DMGDH: variants seen among roughly 807,000 people sequenced by gnomAD.
DMGDH encodes dimethylglycine dehydrogenase, mitochondrial.
A neutral mutation model predicts 95.2 loss-of-function variants in DMGDH; 76 were observed. The ratio of observed to expected loss-of-function variants is 0.80; its 90% confidence interval spans 0.66 to 0.97. The LOEUF is 0.97. Among genes scored for constraint, DMGDH ranks in the 50% least tolerant of loss-of-function variants. DMGDH has a pLI of 0.00. For synonymous variants in DMGDH, 345 were observed against 377.6 expected, an observed-to-expected ratio of 0.91 and a Z score of 1.00; for missense variants, 987 against 1,055.0, an observed-to-expected ratio of 0.94 and a Z score of 0.89.
chr5:79,013,241 A>C (rs1461229050), intron 14 of DMGDH, among the ~76,000 whole-genome samples: 1 of 152,190 alleles, frequency 6.6e-6, no homozygotes, highest in Admixed American at 6.5e-5. Flanking sequence ...CTCAGTTTCT[A>C]AGATCCATAG....
chr5:79,053,426 C>T (rs1754924299), intron 4 of DMGDH, among the ~76,000 whole-genome samples: 1 of 152,192 alleles, frequency 6.6e-6, no homozygotes, highest in African/African-American at 2.4e-5. Flanking sequence ...TTGGCCTTAC[C>T]ACATGCTGGG....
chr5:79,007,104 C>T (rs944307771), intron 14 of DMGDH, among the ~76,000 whole-genome samples: 1 of 152,050 alleles, frequency 6.6e-6, no homozygotes, highest in African/African-American at 2.4e-5. Flanking sequence ...GATTGGAACC[C>T]GTGTTATTTA....
At chr5:79,026,663 G>C (rs563332278) in intron 12 of DMGDH, 82 bp from the exon 13 acceptor site, 1 of 1,579,370 alleles carries the variant, frequency 6.3e-7, no homozygotes, top group South Asian at 1.1e-5. Context: ...ACACATATAA[G>C]CAGGAGAAAT....
chr5:79,054,256 C>A lies in DMGDH; in HGVS notation c.468G>T (p.Trp156Cys), dbSNP rs377602796. Reference sequence around the variant, plus strand: ...CAATGAGATACTGTTCTGTTGCATGCCAGCCAGTCCGAGTCATTTGATATT... The same window carrying A: ...CAATGAGATACTGTTCTGTTGCATGACAGCCAGTCCGAGTCATTTGATATT... The part of the protein sequence containing the change: ...EFKYQMTRTG[W>C]HATEQYLIEP... Residue 156 changes from tryptophan to cysteine, a missense_variant, in exon 4 of 16, where the codon TGG becomes TGT. Coordinates refer to ENST00000255189, the MANE Select transcript of DMGDH (RefSeq NM_013391.3). 11 of 1,613,964 alleles carry A rather than the reference C, an allele frequency of 6.8e-6. No individual in the cohort carries two copies. In the African/African-American group the frequency reaches 1.5e-4, roughly 22 times the overall value.
chr5:79,046,684 C>T (rs1172735927), intron 5 of DMGDH, among the ~76,000 whole-genome samples: 2 of 152,092 alleles, frequency 1.3e-5, no homozygotes, highest in African/African-American at 4.8e-5. Flanking sequence ...AATTTTGAGA[C>T]TTAATTTACT....
At position 79,029,978 on chromosome 5, in the gene DMGDH, C is replaced by T. The variant is rs756908579; in HGVS notation, c.1740G>A (p.Glu580=). Reference sequence around the variant, plus strand: ...CAGGAGATTGGTGAGAAACAGTCAGCTCAGCATACACTCGACCCTTGGGTG... The same window carrying T: ...CAGGAGATTGGTGAGAAACAGTCAGTTCAGCATACACTCGACCCTTGGGTG... The part of the protein sequence containing the change: ...MLTPKGRVYA[E]LTVSHQSPGE... The change falls in exon 11 of 16, where the codon GAG becomes GAA. Residue 580 remains glutamate (E), a synonymous_variant. Transcript: ENST00000255189. 5.6e-6 allele frequency: 9 copies of T among 1,614,064 alleles called. 1 individual carries two copies. The East Asian group carries it at 1.8e-4, about 32-fold the overall frequency.
rs763638011 is a variant in DMGDH at position 79,026,423 on chromosome 5, C to G, written c.2190+1G>C. 4 of 1,614,018 alleles carry G rather than the reference C, an allele frequency of 2.5e-6. No homozygotes were observed. The highest frequency in any genetic ancestry group is 3.4e-6 in the Non-Finnish European group (4 of 1,180,016). On this transcript the variant is annotated splice_donor_variant, in intron 13 of 15. Coordinates refer to ENST00000255189, the MANE Select transcript of DMGDH (RefSeq NM_013391.3). LOFTEE classifies it high-confidence loss of function. ...TTAATAAAGATGCTAGCATTTCAAA[C>G]CTCTAACCCCCAGGCTCTGAAGGCT...
At chr5:79,045,998 A>G (rs1050249991) in intron 5 of DMGDH, among the ~76,000 whole-genome samples, 1 of 152,236 alleles carries the variant, frequency 6.6e-6, no homozygotes, top group Non-Finnish European at 1.5e-5. Flanking sequence ...ATGAATCCAG[A>G]AACGGGTACC....
At chr5:79,046,520 T>C (rs1027543559) in intron 5 of DMGDH, among the ~76,000 whole-genome samples, 2 of 152,194 alleles carry the variant, frequency 1.3e-5, no homozygotes, top group African/African-American at 4.8e-5. Context: ...CCTGAGTAGA[T>C]GGGACTATAG....
intron 13 of DMGDH, among the ~76,000 whole-genome samples, chr5:79,025,013 CT>C (rs1233954025): frequency 6.6e-6 from 1 of 152,242 alleles, no homozygotes; most frequent in Non-Finnish European, 1.5e-5. Context: ...TGAAAGTACG[CT>C]TGTTTTATAT....
intron 14 of DMGDH, among the ~76,000 whole-genome samples, chr5:79,019,658 G>A (rs973894976): frequency 6.6e-6 from 1 of 152,132 alleles, no homozygotes; most frequent in Admixed American, 6.5e-5. Flanking sequence ...GCTGAGGCAG[G>A]TGGATCACCT....
intron 2 of DMGDH, among the ~76,000 whole-genome samples, chr5:79,059,442 C>CT: frequency 6.6e-6 from 1 of 152,344 alleles, no homozygotes; most frequent in East Asian, 1.9e-4. Flanking sequence ...GAAGGTTTCT[C>CT]TTCACATTTG....
intron 15 of DMGDH, 99 bp from the exon 16 acceptor site, chr5:78,998,396 A>T: frequency 1.6e-6 from 2 of 1,230,562 alleles, no homozygotes; most frequent in Non-Finnish European, 2.3e-6. Context: ...CAACTTACAA[A>T]ATGGAAGTTT....
intron 14 of DMGDH, among the ~76,000 whole-genome samples, chr5:79,014,209 AG>A (rs1403439512): frequency 6.6e-6 from 1 of 152,252 alleles, no homozygotes; most frequent in Non-Finnish European, 1.5e-5. Flanking sequence ...GCAAGTAATC[AG>A]GCTAATTAGC....
intron 15 of DMGDH, among the ~76,000 whole-genome samples, chr5:79,001,314 C>A (rs1454904294): frequency 6.6e-6 from 1 of 152,138 alleles, no homozygotes; most frequent in Non-Finnish European, 1.5e-5. Context: ...AGGTGTACAC[C>A]ACCATGCCTG....
chr5:79,037,004 T>C (rs1754365232), intron 7 of DMGDH, among the ~76,000 whole-genome samples: 1 of 151,918 alleles, frequency 6.6e-6, no homozygotes, highest in Non-Finnish European at 1.5e-5. Flanking sequence ...ACCAGAGAGC[T>C]TGCTTTCTCT....
At position 78,997,836 on chromosome 5, in the gene DMGDH, G is replaced by A. The variant is rs955347500; in HGVS notation, c.*246C>T. 4 of 513,216 alleles carry A rather than the reference G, an allele frequency of 7.8e-6. No individual in the cohort carries two copies. The highest frequency in any genetic ancestry group is 1.4e-5 in the Non-Finnish European group (4 of 286,972). The allele number at this position is 513,216 out of a possible 1,614,324, so 31.8% of individuals were successfully genotyped here. A position where few individuals can be genotyped will look rare whatever the true frequency, so the allele number is the denominator to read the frequency against. On this transcript the variant is annotated 3_prime_UTR_variant, in exon 16 of 16. Transcript: ENST00000255189. ...CTAAATGTTTTACTGATTGGGTAAT[G>A]TGGGGTAAATAAAAAAACATTCATT... is the stretch of plus-strand genomic sequence containing the variant.
chr5:79,033,794 T>C (rs977147316), intron 7 of DMGDH, among the ~76,000 whole-genome samples: 1 of 152,106 alleles, frequency 6.6e-6, no homozygotes, highest in African/African-American at 2.4e-5. Flanking sequence ...TATCTCGGCA[T>C]GGTGGCACGA....
In DMGDH at chr5:79,050,248, C is replaced by CAA. The variant is rs57662602; in HGVS notation, c.745+1037_745+1038dup. Among the ~76,000 whole-genome samples the CAA allele has an allele frequency of 4.0e-3, 317 of 78,540 alleles. 3 individuals are homozygous for CAA. Among genetic ancestry groups the CAA allele is most frequent in the Non-Finnish European group, 5.0e-3 (214 of 43,000 alleles). The allele number at this position is 78,540 out of a possible 152,430, so 51.5% of individuals were successfully genotyped here. On this transcript the variant is annotated intron_variant, in intron 5 of 15. Transcript: ENST00000255189. ...GGGGCACAAGAGCAAAACTTTGTCT[C>CAA]AAAAAAAAAAAAAAAAAAAAAAAAA...
Sources: gnomAD v4.1 joint callset for allele counts (sites outside exome capture counted in the v4.1 genomes callset) on GRCh38, gnomAD v4.1.1 for gene constraint, MANE v1.5 for transcripts, NCBI Gene and HGNC (gene_info 2026-07-23, HGNC 2026-07-21) for gene names.